Variants in COL21A1 observed in about 807,000 individuals in gnomAD.
COL21A1 encodes collagen alpha-1(XXI) chain.
In COL21A1, 149 loss-of-function variants were observed where a neutral mutation model predicts 137.9. The observed-to-expected ratio is 1.08, with a 90% confidence interval of 0.95 to 1.24. The LOEUF is 1.24. Among genes scored for constraint, COL21A1 ranks in the 50% most tolerant of loss-of-function variants. The probability of loss-of-function intolerance (pLI) is 0.00; values close to 1 mark genes in which losing one functional copy is unlikely to be tolerated. For missense variants in COL21A1, 1,167 were observed against 1,158.4 expected, an observed-to-expected ratio of 1.01 and a Z score of -0.11; for synonymous variants, 456 against 391.5, an observed-to-expected ratio of 1.16 and a Z score of -1.95.
At chr6:56,075,576 C>A (rs1582256718) in intron 18 of COL21A1, 44 bp from the exon 19 acceptor site, 1 of 1,338,646 alleles carries the variant, frequency 7.5e-7, no homozygotes, top group East Asian at 2.6e-5. Flanking sequence ...TGTAAATTAT[C>A]AATTTATTTC....
chr6:56,204,520 G>C (rs1779627969), intron 1 of COL21A1, among the ~76,000 whole-genome samples: 1 of 152,170 alleles, frequency 6.6e-6, no homozygotes, highest in Admixed American at 6.5e-5. Flanking sequence ...CCCTGGGACA[G>C]AGCACCAGGG....
chr6:56,260,097 G>A (rs1034808646), intron 1 of COL21A1, among the ~76,000 whole-genome samples: 21 of 152,198 alleles, frequency 1.4e-4, no homozygotes, highest in African/African-American at 4.8e-4. Context: ...AAAAGTAAGA[G>A]AGAGTTGTAA....
At chr6:56,121,948 G>A (rs974028743) in intron 16 of COL21A1, among the ~76,000 whole-genome samples, 2 of 151,732 alleles carry the variant, frequency 1.3e-5, no homozygotes, top group Non-Finnish European at 2.9e-5. Flanking sequence ...GAAAATAGGA[G>A]ACATAACCAA....
At chr6:56,112,214 A>G (rs145795504) in intron 16 of COL21A1, among the ~76,000 whole-genome samples, 384 of 152,294 alleles carry the variant, frequency 2.5e-3, no homozygotes, top group Non-Finnish European at 4.6e-3. Context: ...ATGGTGCTAG[A>G]ATAACTGAAT....
chr6:56,123,614 C>T (rs1772743666), intron 16 of COL21A1, among the ~76,000 whole-genome samples: 1 of 152,172 alleles, frequency 6.6e-6, no homozygotes, highest in South Asian at 2.1e-4. Context: ...ACCCCAAGGG[C>T]ATGTGCCCTT....
At chr6:56,185,077 G>A (rs1582587249) in intron 1 of COL21A1, among the ~76,000 whole-genome samples, 1 of 151,656 alleles carries the variant, frequency 6.6e-6, no homozygotes. Context: ...AGCTAAAGCA[G>A]CACTTACAGA....
intron 1 of COL21A1, among the ~76,000 whole-genome samples, chr6:56,261,445 G>A (rs1041113031): frequency 5.3e-5 from 8 of 152,144 alleles, no homozygotes; most frequent in South Asian, 2.1e-4. Flanking sequence ...ATATTAGGTC[G>A]TAAGGGCAGA....
chr6:56,190,259 A>T (rs2152289348), intron 1 of COL21A1, among the ~76,000 whole-genome samples: 1 of 152,340 alleles, frequency 6.6e-6, no homozygotes, highest in East Asian at 1.9e-4. Flanking sequence ...TATAGGGGAT[A>T]TCACCACTGA....
intron 1 of COL21A1, among the ~76,000 whole-genome samples, chr6:56,289,554 C>T (rs1432474220): frequency 2.0e-5 from 3 of 152,158 alleles, no homozygotes; most frequent in Non-Finnish European, 4.4e-5. Context: ...TCTAGAAAAG[C>T]CCATAGTAAA....
chr6:56,104,095 T>C lies in COL21A1; in HGVS notation c.1759-2570A>G, dbSNP rs540598347. ...TCAGCAGGTGTCTTGTTTATATGTG[T>C]TATTTGCTTGACTTGCACATTCTTT... On this transcript the variant is annotated intron_variant, in intron 16 of 29. Transcript: ENST00000244728. Among the ~76,000 whole-genome samples, 6 of 152,342 alleles carry C rather than the reference T, an allele frequency of 3.9e-5. No individual in the cohort carries two copies. The South Asian group carries it at 1.0e-3, about 26-fold the overall frequency.
rs754347462 is a variant in COL21A1 at position 56,060,121 on chromosome 6, C to G, written c.2505G>C (p.Pro835=). The change falls in exon 28 of 30, where the codon CCG becomes CCC. Residue 835 remains proline, a synonymous_variant. Transcript: ENST00000244728. ...ATCCTCTGGGACCCTCTGGGCCTAT[C>G]GGACCAGGTGGCCCAGGAATACCCG... ...GSPGIPGPPG[P]IGPEGPRGLP... is the part of the protein sequence containing the mutation. 32 of 1,610,344 alleles carry G rather than the reference C, an allele frequency of 2.0e-5. No individual in the cohort carries two copies. The highest frequency in any genetic ancestry group is 2.6e-5 in the Non-Finnish European group (31 of 1,178,872).
In COL21A1 at chr6:56,060,970, C is replaced by T. The variant is rs1264603796; in HGVS notation, c.2273G>A (p.Gly758Asp). 2.5e-6 allele frequency: 4 copies of T among 1,607,918 alleles called. No individual in the cohort carries two copies. The highest frequency in any genetic ancestry group is 3.4e-6 in the Non-Finnish European group (4 of 1,177,528). ...CTTAGGACCTGCGGGCCCCATCAAG[C>T]CATCCACCCCAGATTCTCCTTTTGA... is the stretch of plus-strand genomic sequence containing the variant. The part of the protein sequence containing the change: ...IGSKGESGVD[G>D]LMGPAGPKGQ... The change falls in exon 26 of 30, where the codon GGC (glycine) becomes GAC (aspartate). Residue 758 changes from glycine to aspartate, a missense_variant. By Grantham distance (94) the Gly-to-Asp change is moderately conservative. Transcript: ENST00000244728.
chr6:56,071,329 C>T (rs752732621), intron 20 of COL21A1, among the ~76,000 whole-genome samples: 3 of 151,494 alleles, frequency 2.0e-5, no homozygotes, highest in Non-Finnish European at 4.4e-5. Context: ...ACTTGGAGTA[C>T]AAGGCTGAGT....
At chr6:56,083,020 A>C (rs12204789) in intron 17 of COL21A1, among the ~76,000 whole-genome samples, 23,051 of 151,922 alleles carry the variant, frequency 0.15, 1,778 homozygotes, top group Middle Eastern at 0.22. Flanking sequence ...AAGTAAAAAA[A>C]ATTAAATATG....
Position 56,168,313 on chromosome 6 carries a change from G to T in COL21A1, c.1027-16C>A, listed in dbSNP as rs1230701489. 6.6e-7 allele frequency: 1 copy of T among 1,514,058 alleles called. No individual in the cohort carries two copies. The highest frequency in any genetic ancestry group is 2.1e-5 in the Admixed American group (1 of 48,450). The allele number at this position is 1,514,058 out of a possible 1,614,324, so 93.8% of individuals were successfully genotyped here. ...CAAACAACGTCTACAAAAAGAAAGT[G>T]TGGAAGATTCATAAATAAAGCCCCT... On this transcript the variant is annotated splice_polypyrimidine_tract_variant and intron_variant, in intron 5 of 29. Coordinates refer to ENST00000244728, the MANE Select transcript of COL21A1 (RefSeq NM_030820.4).
chr6:56,156,656 T>A (rs2152257569), intron 10 of COL21A1, among the ~76,000 whole-genome samples: 1 of 11,756 alleles, frequency 8.5e-5, no homozygotes, highest in South Asian at 2.5e-3. Context: ...TGCTTAAGCC[T>A]ATACTGATCA....
At position 56,057,687 on chromosome 6, in the gene COL21A1, T is replaced by G. The variant is rs1202841308; in HGVS notation, c.2844A>C (p.Arg948Ser). 1 of 1,613,300 alleles carries G rather than the reference T, an allele frequency of 6.2e-7. No individual in the cohort carries two copies. The highest frequency in any genetic ancestry group is 1.1e-5 in the South Asian group (1 of 91,056). ...AGTTTGGTCCTTTTCTGAACGGATC[T>G]CTTCTGGCAATTACACTAAAACATA... is the stretch of plus-strand genomic sequence containing the variant. ...PSLCFSVIAR[R>S]DPFRKGPNY The change falls in exon 30 of 30, where the codon AGA (arginine) becomes AGC (serine). Residue 948 changes from arginine to serine, a missense_variant. Physicochemically the swap from Arg to Ser is moderately radical, Grantham distance 110. Transcript: ENST00000244728.
intron 16 of COL21A1, among the ~76,000 whole-genome samples, chr6:56,118,081 G>C (rs142919146): frequency 1.0e-3 from 156 of 151,178 alleles, no homozygotes; most frequent in African/African-American, 3.6e-3. Flanking sequence ...AAATAATAAA[G>C]ATCAGAGCAG....
At position 56,265,982 on chromosome 6, in the gene COL21A1, G is replaced by A. The variant is rs192949270; in HGVS notation, c.-38-83326C>T. 4.4e-3 allele frequency among the ~76,000 whole-genome samples: 662 copies of A among 152,170 alleles called. 3 individuals are homozygous for A. The highest frequency in any genetic ancestry group is 6.1e-3 in the Non-Finnish European group (414 of 68,006). On this transcript the variant is annotated intron_variant, in intron 1 of 28. Coordinates refer to the COL21A1 transcript ENST00000370819. ...TAAATATTAAGTTTAACTTAAAAAG[G>A]CCCATGAACCCTGCCTCAGCAGTTG...
Sources: gnomAD v4.1 joint callset for allele counts (sites outside exome capture counted in the v4.1 genomes callset) on GRCh38, gnomAD v4.1.1 for gene constraint, MANE v1.5 for transcripts, NCBI Gene and HGNC (gene_info 2026-07-23, HGNC 2026-07-21) for gene names.